Variants in GRIP1 observed in about 807,000 individuals in gnomAD.
GRIP1 encodes the protein glutamate receptor-interacting protein 1.
In GRIP1, 45 loss-of-function variants were observed where a neutral mutation model predicts 129.9. That is an observed-to-expected ratio of 0.35 (90% confidence interval 0.27 to 0.44). GRIP1 has a LOEUF of 0.44. Ranked by LOEUF, GRIP1 falls within the 20% of genes least tolerant of loss-of-function variation. The probability of loss-of-function intolerance (pLI) is 1.00; values close to 1 mark genes in which losing one functional copy is unlikely to be tolerated. For synonymous variants in GRIP1, 530 were observed against 520.8 expected (o/e 1.02, Z -0.24); for missense variants, 1,196 against 1,396.8 (o/e 0.86, Z 2.29).
chr12:66,464,815 G>T (rs2138344737), intron 8 of GRIP1, among the ~76,000 whole-genome samples: 1 of 128,482 alleles, frequency 7.8e-6, no homozygotes, highest in Non-Finnish European at 1.6e-5. Context: ...ACTGGCAAGA[G>T]AACTGTGTGT....
intron 7 of GRIP1, among the ~76,000 whole-genome samples, chr12:66,475,812 G>T (rs1440032565): frequency 6.6e-6 from 1 of 152,140 alleles, no homozygotes; most frequent in Non-Finnish European, 1.5e-5. Context: ...CAGAATCTCT[G>T]GGATGCATTT....
chr12:66,701,055 A>G (rs1219925719), intron 1 of GRIP1, among the ~76,000 whole-genome samples: 1 of 152,130 alleles, frequency 6.6e-6, no homozygotes, highest in Non-Finnish European at 1.5e-5. Context: ...ATCTAAGAAG[A>G]CCTAGTGAAT....
intron 1 of GRIP1, among the ~76,000 whole-genome samples, chr12:67,011,591 T>C (rs1262124184): frequency 1.3e-5 from 2 of 151,704 alleles, no homozygotes; most frequent in Non-Finnish European, 2.9e-5. Flanking sequence ...GCATATTTAA[T>C]CCTCACATCC....
intron 1 of GRIP1, among the ~76,000 whole-genome samples, chr12:67,063,136 T>C (rs1186539096): frequency 1.3e-5 from 2 of 152,196 alleles, no homozygotes; most frequent in Non-Finnish European, 2.9e-5. Context: ...CTTTAAAAAG[T>C]TAAAAAGCCC....
intron 5 of GRIP1, among the ~76,000 whole-genome samples, chr12:66,518,866 C>A (rs1258655723): frequency 5.9e-5 from 9 of 152,308 alleles, no homozygotes; most frequent in Admixed American, 3.9e-4. Flanking sequence ...TACAAAAATG[C>A]TTTTCCGAAA....
At chr12:66,450,994 G>A (rs1440662052) in intron 11 of GRIP1, among the ~76,000 whole-genome samples, 1 of 152,148 alleles carries the variant, frequency 6.6e-6, no homozygotes, top group Non-Finnish European at 1.5e-5. Context: ...CTTCCGCAAG[G>A]TATTCAGTCG....
intron 7 of GRIP1, among the ~76,000 whole-genome samples, chr12:66,467,507 G>A (rs1367463463): frequency 2.6e-5 from 4 of 152,188 alleles, no homozygotes. Context: ...ATGTGCAATG[G>A]TAGTTTGCAC....
intron 1 of GRIP1, among the ~76,000 whole-genome samples, chr12:66,800,915 G>T (rs945196762): frequency 2.0e-5 from 3 of 151,912 alleles, no homozygotes; most frequent in African/African-American, 7.3e-5. Flanking sequence ...AATTTCAAAG[G>T]TTTATCAAAA....
intron 1 of GRIP1, among the ~76,000 whole-genome samples, chr12:67,055,415 T>A (rs1375141633): frequency 2.1e-5 from 3 of 145,768 alleles, no homozygotes; most frequent in African/African-American, 8.5e-5. Flanking sequence ...AAGCAGAAGT[T>A]GTCTTCTAAT....
At chr12:66,766,202 G>C (rs1279116006) in intron 1 of GRIP1, among the ~76,000 whole-genome samples, 3 of 152,142 alleles carry the variant, frequency 2.0e-5, no homozygotes, top group African/African-American at 7.2e-5. Context: ...TCAAATCAAA[G>C]GGCTGAAGCT....
intron 1 of GRIP1, among the ~76,000 whole-genome samples, chr12:67,039,448 C>T (rs1207153527): frequency 3.3e-5 from 5 of 152,174 alleles, no homozygotes; most frequent in African/African-American, 9.7e-5. Flanking sequence ...AGACTAGCCA[C>T]ACAGTCAGTA....
At chr12:66,526,298 C>A (rs1164447296) in intron 5 of GRIP1, among the ~76,000 whole-genome samples, 2 of 152,040 alleles carry the variant, frequency 1.3e-5, no homozygotes, top group Non-Finnish European at 2.9e-5. Context: ...GCTACAGTAA[C>A]CAAAACAGCA....
intron 2 of GRIP1, among the ~76,000 whole-genome samples, chr12:66,588,021 T>A (rs1416359186): frequency 6.6e-6 from 1 of 151,992 alleles, no homozygotes; most frequent in Non-Finnish European, 1.5e-5. Flanking sequence ...TATATATAGA[T>A]ATTATCAGAG....
At chr12:66,893,534 G>T (rs2137240425) in intron 1 of GRIP1, among the ~76,000 whole-genome samples, 1 of 152,242 alleles carries the variant, frequency 6.6e-6, no homozygotes, top group African/African-American at 2.4e-5. Context: ...CACTGCACAA[G>T]GCTGTTTTTA....
At position 66,349,004 on chromosome 12, in the gene GRIP1, T is replaced by C; in HGVS notation, c.*15A>G. ...TGTAGATATTGTCTTTTGTCCTGCTTTATAAAAAGCGTTGCTATAATGTAT... is the reference window on the plus strand; with the variant it reads ...TGTAGATATTGTCTTTTGTCCTGCTCTATAAAAAGCGTTGCTATAATGTAT... On this transcript the variant is annotated 3_prime_UTR_variant, in exon 25 of 25. Transcript: ENST00000359742. 6.5e-7 allele frequency: 1 copy of C among 1,539,548 alleles called. No homozygotes were observed. Among genetic ancestry groups the C allele is most frequent in the Non-Finnish European group, 9.0e-7 (1 of 1,111,776 alleles).
chr12:66,434,740 G>A lies in GRIP1; in HGVS notation c.1688-2112C>T, dbSNP rs529942696. On this transcript the variant is annotated intron_variant, in intron 13 of 24. Coordinates refer to ENST00000359742, the MANE Select transcript of GRIP1 (RefSeq NM_001366722.1). The stretch of plus-strand genomic sequence containing the variant: ...GCCACCTTCCTTCTACCTTCAAAGT[G>A]ACAGTTTAAGAATTTGGAATTAGCA... 1.0e-3 allele frequency among the ~76,000 whole-genome samples: 159 copies of A among 152,332 alleles called. 1 individual carries two copies. The highest frequency in any genetic ancestry group is 3.8e-3 in the African/African-American group (157 of 41,576).
intron 1 of GRIP1, among the ~76,000 whole-genome samples, chr12:66,970,655 GTTA>G (rs2042062191): frequency 6.7e-6 from 1 of 149,836 alleles, no homozygotes; most frequent in Admixed American, 6.7e-5. Flanking sequence ...GTAATCCACT[GTTA>G]TTATAAGGAG....
chr12:66,822,771 T>A (rs1043603326), intron 1 of GRIP1, among the ~76,000 whole-genome samples: 1 of 152,142 alleles, frequency 6.6e-6, no homozygotes, highest in Non-Finnish European at 1.5e-5. Context: ...AATACTGTTA[T>A]GTTCTCACTT....
intron 1 of GRIP1, among the ~76,000 whole-genome samples, chr12:66,986,333 T>C (rs1333147306): frequency 6.6e-6 from 1 of 152,052 alleles, no homozygotes; most frequent in Non-Finnish European, 1.5e-5. Context: ...ACTGGGTATA[T>C]ACCTAAAGGA....
Sources: allele counts gnomAD v4.1 joint callset (sites outside exome capture counted in the v4.1 genomes callset), GRCh38; gene constraint gnomAD v4.1.1; transcripts MANE v1.5; gene names NCBI Gene and HGNC (gene_info 2026-07-23, HGNC 2026-07-21).